Variants in RALGPS1 observed in about 807,000 individuals in gnomAD.
The protein encoded by RALGPS1 is Ral GEF with PH domain and SH3 binding motif 1.
RALGPS1 carries 19 observed loss-of-function variants against 78.8 expected under a neutral mutation model. The ratio of observed to expected loss-of-function variants is 0.24; its 90% confidence interval spans 0.17 to 0.35. The LOEUF (loss-of-function observed/expected upper bound fraction) is 0.35. Ranked by LOEUF, RALGPS1 falls within the 10% of genes least tolerant of loss-of-function variation. RALGPS1 has a pLI of 1.00. For synonymous variants in RALGPS1, 228 were observed against 256.3 expected (o/e 0.89, Z 1.06); for missense variants, 454 against 688.3 (o/e 0.66, Z 3.81).
At chr9:127,145,297 C>T (rs1293033962) in intron 8 of RALGPS1, among the ~76,000 whole-genome samples, 1 of 152,118 alleles carries the variant, frequency 6.6e-6, no homozygotes, top group Non-Finnish European at 1.5e-5. Context: ...TCTTATTCTC[C>T]CTGTTTTTTA....
intron 1 of RALGPS1, among the ~76,000 whole-genome samples, chr9:126,921,547 A>T (rs1041496099): frequency 6.6e-6 from 1 of 152,178 alleles, no homozygotes; most frequent in Non-Finnish European, 1.5e-5. Flanking sequence ...TTTTCTGTAG[A>T]GCTTTCAAGT....
At chr9:126,937,418 T>G (rs1012065941) in intron 1 of RALGPS1, among the ~76,000 whole-genome samples, 14 of 152,104 alleles carry the variant, frequency 9.2e-5, no homozygotes, top group African/African-American at 3.1e-4. Flanking sequence ...GAAGGAGAGA[T>G]AAGGGTTCAG....
chr9:127,218,391 A>G lies in RALGPS1; in HGVS notation c.1645-349A>G, dbSNP rs950613551. ...CAGTTTGATTTTCACTGAAGGAGAT[A>G]GGTTAAGAGCATGGGCTCTGGGTTC... is the stretch of plus-strand genomic sequence containing the variant. On this transcript the variant is annotated intron_variant, in intron 18 of 18. Coordinates refer to ENST00000259351, the MANE Select transcript of RALGPS1 (RefSeq NM_014636.3). The surrounding 1 kb of genome is among the most constrained non-coding windows in gnomAD (Gnocchi z 4.4). 2.0e-5 allele frequency among the ~76,000 whole-genome samples: 3 copies of G among 152,186 alleles called. No homozygotes were observed. The highest frequency in any genetic ancestry group is 4.4e-5 in the Non-Finnish European group (3 of 68,020).
Position 127,108,423 on chromosome 9 carries a change from G to A in RALGPS1, c.610+39067G>A, listed in dbSNP as rs141794341. The A allele has an allele frequency of 4.5e-5, 72 of 1,608,192 alleles. 1 individual carries two copies. The highest frequency in any genetic ancestry group is 1.6e-4 in the Middle Eastern group (1 of 6,074). ...CCTCCACCAGCTGCTGCAGCGTCTC[G>A]ATCTGCCGCTTCTGCTTGAGCAGCT... is the stretch of plus-strand genomic sequence containing the variant. On this transcript the variant is annotated intron_variant, in intron 8 of 18. Transcript: ENST00000259351.
intron 8 of RALGPS1, among the ~76,000 whole-genome samples, chr9:127,139,645 C>A (rs1320591423): frequency 1.3e-5 from 2 of 152,228 alleles, no homozygotes; most frequent in Non-Finnish European, 2.9e-5. Context: ...CCACCTCTGA[C>A]AAGACAGGCC....
At position 127,212,798 on chromosome 9, in the gene RALGPS1, G is replaced by C; in HGVS notation, c.1446+79G>C. 1 of 1,524,812 alleles carries C rather than the reference G, an allele frequency of 6.6e-7. No individual in the cohort carries two copies. The highest frequency in any genetic ancestry group is 9.0e-7 in the Non-Finnish European group (1 of 1,112,020). 94.5% of individuals were successfully genotyped at this position (1,524,812 alleles called of 1,614,324 possible). ...CCTCTGTGAACTGTGGAGGATGGGG[G>C]TGGGAAAGGGATCTGTGTGAACTGC... On this transcript the variant is annotated intron_variant, in intron 16 of 18. Transcript: ENST00000259351. This position sits in a 1 kb window ranked among gnomAD's most constrained non-coding sequence, Gnocchi z 6.0.
In RALGPS1 at chr9:127,047,825, C is replaced by T. The variant is rs777234164; in HGVS notation, c.301-2218C>T. Among the ~76,000 whole-genome samples the T allele has an allele frequency of 5.9e-5, 9 of 152,086 alleles. No homozygotes were observed. The South Asian group carries it at 6.2e-4, about 11-fold the overall frequency. On this transcript the variant is annotated intron_variant, in intron 5 of 18. Coordinates refer to ENST00000259351, the MANE Select transcript of RALGPS1 (RefSeq NM_014636.3). ...TCTTACGACTTACTTTTGTACTTAT[C>T]TCTTATTCCTTGTTTTCTTCATCAA...
At chr9:127,019,987 G>A (rs1478254565) in intron 4 of RALGPS1, among the ~76,000 whole-genome samples, 1 of 152,050 alleles carries the variant, frequency 6.6e-6, no homozygotes, top group Non-Finnish European at 1.5e-5. Flanking sequence ...TCTATTGAGA[G>A]GATCATATCA....
At chr9:127,185,681 C>T (rs995607156) in intron 11 of RALGPS1, among the ~76,000 whole-genome samples, 2 of 152,130 alleles carry the variant, frequency 1.3e-5, no homozygotes, top group African/African-American at 4.8e-5. Flanking sequence ...GTAGTTGTTG[C>T]CTTTACCGTA....
At chr9:127,089,177 G>C in intron 8 of RALGPS1, 1 of 1,607,510 alleles carries the variant, frequency 6.2e-7, no homozygotes, top group Non-Finnish European at 8.5e-7. Context: ...TCTGGGAGGA[G>C]GCCATTCTAC....
chr9:126,936,010 T>C (rs973824523), intron 1 of RALGPS1, among the ~76,000 whole-genome samples: 3 of 152,082 alleles, frequency 2.0e-5, no homozygotes, highest in Non-Finnish European at 2.9e-5. Flanking sequence ...GAGGACTGCC[T>C]CCCCCCGTTG....
chr9:127,022,512 A>G (rs567867446), intron 4 of RALGPS1, among the ~76,000 whole-genome samples: 141 of 144,954 alleles, frequency 9.7e-4, no homozygotes, highest in Admixed American at 2.8e-3. Flanking sequence ...TTCCCATCCC[A>G]TGCAGAAAAA....
At chr9:126,987,018 T>C (rs1451735321) in intron 4 of RALGPS1, among the ~76,000 whole-genome samples, 1 of 152,198 alleles carries the variant, frequency 6.6e-6, no homozygotes, top group Non-Finnish European at 1.5e-5. Context: ...CACCAATGTA[T>C]AGTTTGAATA....
chr9:127,184,304 A>G, intron 11 of RALGPS1: 1 of 389,624 alleles, frequency 2.6e-6, no homozygotes. Context: ...TGGGTGACAG[A>G]GCAAGACCTT....
intron 1 of RALGPS1, among the ~76,000 whole-genome samples, chr9:126,932,948 A>G (rs1387498324): frequency 6.6e-6 from 1 of 152,124 alleles, no homozygotes; most frequent in Admixed American, 6.5e-5. Context: ...TGAGTGGGTG[A>G]GCTTCATGCT....
At chr9:126,920,840 A>G (rs934894478) in intron 1 of RALGPS1, among the ~76,000 whole-genome samples, 2 of 152,172 alleles carry the variant, frequency 1.3e-5, no homozygotes, top group African/African-American at 4.8e-5. Context: ...ATTGGCCATA[A>G]CAGAGAACCT....
chr9:126,941,168 G>GGT (rs1439053695), intron 1 of RALGPS1, among the ~76,000 whole-genome samples: 1 of 151,628 alleles, frequency 6.6e-6, no homozygotes, highest in Non-Finnish European at 1.5e-5. Flanking sequence ...TCTAGTTGTG[G>GGT]GGGGGGGTTG....
At chr9:127,155,389 C>T (rs1250981707) in intron 8 of RALGPS1, among the ~76,000 whole-genome samples, 1 of 152,068 alleles carries the variant, frequency 6.6e-6, no homozygotes, top group East Asian at 1.9e-4. Context: ...AGTTAGCAGC[C>T]AGGAAGGAGA....
intron 11 of RALGPS1, among the ~76,000 whole-genome samples, chr9:127,182,618 T>C (rs913127932): frequency 2.0e-5 from 3 of 151,784 alleles, no homozygotes; most frequent in Non-Finnish European, 2.9e-5. Context: ...TTAGTAGAGA[T>C]GGGTTTCACT....
Sources: allele counts gnomAD v4.1 joint callset (sites outside exome capture counted in the v4.1 genomes callset), GRCh38; gene constraint gnomAD v4.1.1; non-coding constraint Gnocchi (gnomAD v3.1); transcripts MANE v1.5; gene names NCBI Gene and HGNC (gene_info 2026-07-23, HGNC 2026-07-21).